Variants in RAB2A observed in about 807,000 individuals in gnomAD.
RAB2A encodes RAB2A, member RAS oncogene family, also known as ras-related protein Rab-2A.
Under a neutral mutation model 32.5 loss-of-function variants are expected in RAB2A, and 7 were observed. That is an observed-to-expected ratio of 0.22 (90% CI 0.12 to 0.40). The LOEUF (loss-of-function observed/expected upper bound fraction) is 0.40. Among genes scored for constraint, RAB2A ranks in the 10% least tolerant of loss-of-function variants. The probability of loss-of-function intolerance (pLI) is 1.00; values close to 1 mark genes in which losing one functional copy is unlikely to be tolerated. For synonymous variants in RAB2A, 79 were observed against 85.2 expected, an observed-to-expected ratio of 0.93 and a Z score of 0.40; for missense variants, 108 against 260.7, an observed-to-expected ratio of 0.41 and a Z score of 4.03.
chr8:60,603,019 A>G (rs570109927), intron 6 of RAB2A, among the ~76,000 whole-genome samples: 1 of 152,322 alleles, frequency 6.6e-6, no homozygotes, highest in South Asian at 2.1e-4. Flanking sequence ...AGAATAAGGC[A>G]GGTATTCTAA....
chr8:60,529,279 G>T (rs1221640352), intron 1 of RAB2A, among the ~76,000 whole-genome samples: 1 of 152,122 alleles, frequency 6.6e-6, no homozygotes, highest in Non-Finnish European at 1.5e-5. Context: ...TGTGTGTGTA[G>T]TGAGTTCAGG....
Position 60,595,107 on chromosome 8 carries a change from A to G in RAB2A, c.474+3138A>G, listed in dbSNP as rs191364493. Among the ~76,000 whole-genome samples the G allele has an allele frequency of 1.1e-4, 16 of 152,352 alleles. No individual in the cohort carries two copies. In the East Asian group the frequency reaches 3.1e-3, roughly 29 times the overall value. On this transcript the variant is annotated intron_variant, in intron 6 of 7. Coordinates refer to ENST00000262646, the MANE Select transcript of RAB2A (RefSeq NM_002865.3). Reference sequence around the variant, plus strand: ...AGCAGATTTGCATAAAAGAATGGCTAAAGGAAGTTTTCTAATAGAAGTGAA... The same window carrying G: ...AGCAGATTTGCATAAAAGAATGGCTGAAGGAAGTTTTCTAATAGAAGTGAA...
intron 2 of RAB2A, among the ~76,000 whole-genome samples, chr8:60,569,522 G>GT (rs1188674736): frequency 1.3e-5 from 2 of 151,922 alleles, no homozygotes; most frequent in Non-Finnish European, 2.9e-5. Flanking sequence ...TTTTATTTTT[G>GT]TTTTTTGAGA....
intron 1 of RAB2A, among the ~76,000 whole-genome samples, chr8:60,525,968 T>C (rs961752391): frequency 2.1e-5 from 3 of 145,898 alleles, no homozygotes; most frequent in Non-Finnish European, 4.5e-5. Context: ...TGTATATATA[T>C]GTCTATATGT....
At chr8:60,581,037 A>G (rs1803740741) in intron 3 of RAB2A, among the ~76,000 whole-genome samples, 1 of 152,198 alleles carries the variant, frequency 6.6e-6, no homozygotes, top group Non-Finnish European at 1.5e-5. Flanking sequence ...GCTCTTCCTT[A>G]TCCATGAGGA....
intron 1 of RAB2A, among the ~76,000 whole-genome samples, chr8:60,540,625 A>G (rs28649594): frequency 0.47 from 71,289 of 151,974 alleles, 17,739 homozygotes; most frequent in African/African-American, 0.64. Context: ...GATTACAGGC[A>G]TGTGCCACCA....
At position 60,552,435 on chromosome 8, in the gene RAB2A, G is replaced by A. The variant is rs1789709235; in HGVS notation, c.47-6417G>A. On this transcript the variant is annotated intron_variant, in intron 1 of 7. Transcript: ENST00000262646. Reference sequence around the variant, plus strand: ...TTACAGGTGTGAGCCACCATGCTCAGTGACCTATCACTTTTATAAGTTATA... The same window carrying A: ...TTACAGGTGTGAGCCACCATGCTCAATGACCTATCACTTTTATAAGTTATA... 2.0e-5 allele frequency: 3 copies of A among 152,212 alleles called. No individual in the cohort carries two copies. The South Asian group carries it at 6.2e-4, about 31-fold the overall frequency. The allele number at this position is 152,212 out of a possible 1,614,324, so 9.4% of individuals were successfully genotyped here. A position where few individuals can be genotyped will look rare whatever the true frequency, so the allele number is the denominator to read the frequency against.
intron 1 of RAB2A, among the ~76,000 whole-genome samples, chr8:60,518,539 C>A (rs1231972653): frequency 2.1e-5 from 3 of 141,782 alleles, no homozygotes; most frequent in Non-Finnish European, 4.5e-5. Context: ...GCCTGTAATC[C>A]CAGCCACTTG....
chr8:60,558,320 G>C (rs559880905), intron 1 of RAB2A: 12 of 444,830 alleles, frequency 2.7e-5, no homozygotes, highest in Non-Finnish European at 4.9e-5. Flanking sequence ...ATTCATGACC[G>C]TAACGGGGTC....
rs538763015 is a variant in RAB2A at position 60,614,889 on chromosome 8, C to T, written c.475-3691C>T. Among the ~76,000 whole-genome samples, 7 of 152,260 alleles carry T rather than the reference C, an allele frequency of 4.6e-5. No homozygotes were observed. In the East Asian group the frequency reaches 1.4e-3, roughly 29 times the overall value. On this transcript the variant is annotated intron_variant, in intron 6 of 7. Coordinates refer to ENST00000262646, the MANE Select transcript of RAB2A (RefSeq NM_002865.3). ...CTAGTGGTAAAATGAGAGAGGCAGG[C>T]TTCTTTTACTGCAACAGAGCACCGG...
chr8:60,540,473 GCCTC>G (rs1431906667), intron 1 of RAB2A, among the ~76,000 whole-genome samples: 1 of 149,056 alleles, frequency 6.7e-6, no homozygotes, highest in South Asian at 2.2e-4. Flanking sequence ...CTGCCTGCCT[GCCTC>G]CCTCCCTCCC....
intron 1 of RAB2A, among the ~76,000 whole-genome samples, chr8:60,550,711 A>G (rs1807832213): frequency 6.6e-6 from 1 of 152,036 alleles, no homozygotes; most frequent in South Asian, 2.1e-4. Context: ...ATCTGCTTCT[A>G]CTTGTAAGTT....
chr8:60,554,723 T>A (rs1441719099), intron 1 of RAB2A, among the ~76,000 whole-genome samples: 7 of 152,070 alleles, frequency 4.6e-5, no homozygotes, highest in African/African-American at 1.4e-4. Context: ...CTTGGTGGTA[T>A]ACGCTGGTAG....
At chr8:60,542,372 A>T (rs1246572554) in intron 1 of RAB2A, among the ~76,000 whole-genome samples, 1 of 152,124 alleles carries the variant, frequency 6.6e-6, no homozygotes, top group African/African-American at 2.4e-5. Flanking sequence ...AAAATTAGCC[A>T]GGCGTGGTGG....
intron 6 of RAB2A, among the ~76,000 whole-genome samples, chr8:60,612,172 C>T (rs1054279283): frequency 2.0e-5 from 3 of 152,124 alleles, no homozygotes; most frequent in Non-Finnish European, 4.4e-5. Context: ...TGTTCCCCTC[C>T]CTGTGTCCAT....
chr8:60,517,592 C>A (rs1256855198), intron 1 of RAB2A, among the ~76,000 whole-genome samples: 1 of 152,100 alleles, frequency 6.6e-6, no homozygotes, highest in Non-Finnish European at 1.5e-5. Flanking sequence ...CCCCCAGGGC[C>A]CCTTGCGTTA....
Position 60,587,310 on chromosome 8 carries a change from T to A in RAB2A, c.362+2495T>A, listed in dbSNP as rs1449490535. Reference sequence around the variant, plus strand: ...GGTGCTGAAACAGTTAATAGTCATATGTAAAAATATGAACCTCAACTGTTA... The same window carrying A: ...GGTGCTGAAACAGTTAATAGTCATAAGTAAAAATATGAACCTCAACTGTTA... On this transcript the variant is annotated intron_variant, in intron 5 of 7. Coordinates refer to ENST00000262646, the MANE Select transcript of RAB2A (RefSeq NM_002865.3). Among the ~76,000 whole-genome samples the A allele has an allele frequency of 3.3e-5, 5 of 152,200 alleles. No homozygotes were observed. The East Asian group carries it at 9.6e-4, about 29-fold the overall frequency.
intron 1 of RAB2A, among the ~76,000 whole-genome samples, chr8:60,549,907 C>A (rs1443702161): frequency 6.6e-6 from 1 of 151,406 alleles, no homozygotes; most frequent in Non-Finnish European, 1.5e-5. Context: ...TTGGAATTTG[C>A]CAGCCTTTAC....
chr8:60,620,729 G>A lies in RAB2A; in HGVS notation c.599G>A (p.Gly200Asp), dbSNP rs1804513459. The part of the protein sequence containing the change: ...QHAATNATHA[G>D]NQGGQQAGGG... ...GCTGCTACCAATGCAACACATGCAG[G>A]CAATCAGGGAGGACAGCAGGCTGGG... is the stretch of plus-strand genomic sequence containing the variant. Residue 200 changes from glycine to aspartate, a missense_variant, in exon 8 of 8, where the codon GGC (glycine) becomes GAC (aspartate). Around this residue, in one of 4 missense-constraint regions of RAB2A, gnomAD observed 24 missense variants for 23.2 expected, o/e 1.04. Coordinates refer to ENST00000262646, the MANE Select transcript of RAB2A (RefSeq NM_002865.3). 1 of 1,613,774 alleles carries A rather than the reference G, an allele frequency of 6.2e-7. No individual in the cohort carries two copies. Among genetic ancestry groups the A allele is most frequent in the Non-Finnish European group, 8.5e-7 (1 of 1,179,958 alleles).
Sources: allele counts gnomAD v4.1 joint callset (sites outside exome capture counted in the v4.1 genomes callset), GRCh38; gene constraint gnomAD v4.1.1; regional missense constraint gnomAD v4.1.1; transcripts MANE v1.5; gene names NCBI Gene and HGNC (gene_info 2026-07-23, HGNC 2026-07-21).